CDH4: variants seen among roughly 807,000 people sequenced by gnomAD.
The protein encoded by CDH4 is cadherin-4.
A neutral mutation model predicts 86.0 loss-of-function variants in CDH4; 33 were observed. The observed-to-expected ratio is 0.38, with a 90% CI of 0.29 to 0.51. The LOEUF is 0.51. Ranked by LOEUF, CDH4 falls within the 20% of genes least tolerant of loss-of-function variation. The probability of loss-of-function intolerance (pLI) is 0.86; values close to 1 mark genes in which losing one functional copy is unlikely to be tolerated. For synonymous variants in CDH4, 555 were observed against 549.4 expected, an observed-to-expected ratio of 1.01 and a Z score of -0.14; for missense variants, 1,114 against 1,307.4, an observed-to-expected ratio of 0.85 and a Z score of 2.28.
chr20:61,773,054 G>C lies in CDH4; in HGVS notation c.448G>C (p.Asp150His). Residue 150 changes from aspartate to histidine, a missense_variant, in exon 4 of 16, where the codon GAC (aspartate) becomes CAC (histidine). Transcript: ENST00000614565. ...TCTGGACCCCTCTCCGCCTCCGAAGGACACCCTGCTGCCGTGGCCCCAGCA... is the reference window on the plus strand; with the variant it reads ...TCTGGACCCCTCTCCGCCTCCGAAGCACACCCTGCTGCCGTGGCCCCAGCA... ...VALDPSPPPK[D>H]TLLPWPQHQN... 6.2e-7 allele frequency: 1 copy of C among 1,613,722 alleles called. No individual in the cohort carries two copies. Among genetic ancestry groups the C allele is most frequent in the Non-Finnish European group, 8.5e-7 (1 of 1,179,856 alleles).
intron 4 of CDH4, among the ~76,000 whole-genome samples, chr20:61,803,608 G>A (rs1378561057): frequency 6.6e-6 from 1 of 152,218 alleles, no homozygotes; most frequent in Non-Finnish European, 1.5e-5. Flanking sequence ...CTGGTGGCCT[G>A]GAGGGTGGGG....
chr20:61,819,890 C>T (rs1980926029), intron 4 of CDH4, among the ~76,000 whole-genome samples: 1 of 152,202 alleles, frequency 6.6e-6, no homozygotes, highest in Admixed American at 6.5e-5. Flanking sequence ...AGGTACCAGA[C>T]CAGGCAAGGA....
chr20:61,588,893 A>G (rs1051797975), intron 2 of CDH4, among the ~76,000 whole-genome samples: 2 of 152,076 alleles, frequency 1.3e-5, no homozygotes, highest in Non-Finnish European at 2.9e-5. Flanking sequence ...GAGGGCTGAG[A>G]CCTCGTCCTG....
Position 61,754,420 on chromosome 20 carries a change from C to T in CDH4, c.396+10631C>T, listed in dbSNP as rs533409471. ...TCCAGGGCTGTTGAGGACAAGTCCC[C>T]GCCCACGGCAGCCCCCAGGTCCCTC... is the stretch of plus-strand genomic sequence containing the variant. On this transcript the variant is annotated intron_variant, in intron 3 of 15. Transcript: ENST00000614565. The surrounding 1 kb of genome is among the most constrained non-coding windows in gnomAD (Gnocchi z 4.7). Among the ~76,000 whole-genome samples, 4 of 152,186 alleles carry T rather than the reference C, an allele frequency of 2.6e-5. No individual in the cohort carries two copies. Among genetic ancestry groups the T allele is most frequent in the South Asian group, 2.1e-4 (1 of 4,822 alleles).
chr20:61,447,857 C>T (rs908855411), intron 2 of CDH4, among the ~76,000 whole-genome samples: 1 of 152,010 alleles, frequency 6.6e-6, no homozygotes, highest in Non-Finnish European at 1.5e-5. Context: ...CATTCCATAA[C>T]CCTCTTTTTT....
rs2055201477 is a variant in CDH4, at chr20:61,937,102, C to T, written c.*159C>T. 1.9e-6 allele frequency: 1 copy of T among 527,018 alleles called. No individual in the cohort carries two copies. The highest frequency in any genetic ancestry group is 3.1e-6 in the Non-Finnish European group (1 of 319,970). 32.6% of individuals were successfully genotyped at this position (527,018 alleles called of 1,614,324 possible). ...ACGTTGAGCTGTCTAGCATGAGCAC[C>T]CACCCCCACAGCGCCCTGCACCCGG... On this transcript the variant is annotated 3_prime_UTR_variant, in exon 16 of 16. Transcript: ENST00000614565.
intron 4 of CDH4, among the ~76,000 whole-genome samples, chr20:61,775,003 T>G (rs1318635059): frequency 6.6e-6 from 1 of 152,216 alleles, no homozygotes; most frequent in African/African-American, 2.4e-5. Context: ...CATGTGTCTT[T>G]ATAAGAGAAT....
At chr20:61,931,722 C>A (rs2055112799) in intron 13 of CDH4, among the ~76,000 whole-genome samples, 1 of 152,146 alleles carries the variant, frequency 6.6e-6, no homozygotes, top group African/African-American at 2.4e-5. Context: ...TTTCCTGCAG[C>A]AGAGGCAGCC....
At position 61,681,835 on chromosome 20, in the gene CDH4, AT is replaced by A. The variant is rs1194730421; in HGVS notation, c.170-61725del. ...GGAGGGACAGACAGAGCATCCCCACATTTGTCTTTGAGGGTGTGTGGTGTAT... is the reference window on the plus strand; with the variant it reads ...GGAGGGACAGACAGAGCATCCCCACATTGTCTTTGAGGGTGTGTGGTGTAT... On this transcript the variant is annotated intron_variant, in intron 2 of 15. Transcript: ENST00000614565. The surrounding 1 kb of genome is among the most constrained non-coding windows in gnomAD (Gnocchi z 4.5). Among the ~76,000 whole-genome samples, 2 of 152,064 alleles carry A rather than the reference AT, an allele frequency of 1.3e-5. No homozygotes were observed. Among genetic ancestry groups the A allele is most frequent in the African/African-American group, 4.8e-5 (2 of 41,396 alleles).
chr20:61,360,879 A>G (rs1763844874), intron 2 of CDH4, among the ~76,000 whole-genome samples: 2 of 152,240 alleles, frequency 1.3e-5, no homozygotes, highest in African/African-American at 4.8e-5. Flanking sequence ...CCATCCATCA[A>G]ACAAAAAGAA....
At chr20:61,478,823 G>T (rs376279354) in intron 2 of CDH4, among the ~76,000 whole-genome samples, 1 of 152,252 alleles carries the variant, frequency 6.6e-6, no homozygotes, top group African/African-American at 2.4e-5. Flanking sequence ...CCATTCGTTC[G>T]TGTGGGCACC....
intron 2 of CDH4, among the ~76,000 whole-genome samples, chr20:61,559,895 G>A (rs1280921171): frequency 6.6e-6 from 1 of 152,152 alleles, no homozygotes; most frequent in Non-Finnish European, 1.5e-5. Flanking sequence ...CCAGTGCGGT[G>A]TGCACCAGCT....
chr20:61,790,251 C>CATCCATTCATCTCTCT (rs1979102259), intron 4 of CDH4, among the ~76,000 whole-genome samples: 1 of 151,916 alleles, frequency 6.6e-6, no homozygotes, highest in East Asian at 1.9e-4. Context: ...TCTCTCCATT[C>CATCCATTCATCTCTCT]ATCCATTCAT....
At position 61,544,533 on chromosome 20, in the gene CDH4, A is replaced by G. The variant is rs1302653788; in HGVS notation, c.170-199030A>G. 1.3e-5 allele frequency among the ~76,000 whole-genome samples: 2 copies of G among 151,614 alleles called. No individual in the cohort carries two copies. The highest frequency in any genetic ancestry group is 2.9e-5 in the Non-Finnish European group (2 of 67,928). On this transcript the variant is annotated intron_variant, in intron 2 of 15. Coordinates refer to ENST00000614565, the MANE Select transcript of CDH4 (RefSeq NM_001794.5). The surrounding 1 kb of genome is among the most constrained non-coding windows in gnomAD (Gnocchi z 6.5). Reference sequence around the variant, plus strand: ...TCCAGGAATTAAAGCAGTCCATGCAATGGCAGCCGCCAAGCAGAGACGGTG... The same window carrying G: ...TCCAGGAATTAAAGCAGTCCATGCAGTGGCAGCCGCCAAGCAGAGACGGTG...
chr20:61,258,671 T>C (rs146280260), intron 2 of CDH4, among the ~76,000 whole-genome samples: 37 of 152,320 alleles, frequency 2.4e-4, no homozygotes, highest in African/African-American at 8.9e-4. Context: ...AGTGCAGACA[T>C]AGGTGGTCAC....
At chr20:61,649,494 C>T (rs547985471) in intron 2 of CDH4, among the ~76,000 whole-genome samples, 3 of 152,306 alleles carry the variant, frequency 2.0e-5, no homozygotes, top group African/African-American at 4.8e-5. Flanking sequence ...TCCAGGTCAC[C>T]GCTTATCAGT....
chr20:61,760,248 A>G (rs937437764), intron 3 of CDH4, among the ~76,000 whole-genome samples: 1 of 152,222 alleles, frequency 6.6e-6, no homozygotes, highest in Non-Finnish European at 1.5e-5. Flanking sequence ...AATTAGGAAC[A>G]ACATGAAACC....
chr20:61,864,751 G>A (rs1041307284), intron 6 of CDH4, among the ~76,000 whole-genome samples: 3 of 152,130 alleles, frequency 2.0e-5, no homozygotes, highest in Admixed American at 1.3e-4. Flanking sequence ...AGACAAACCC[G>A]ATTATCTCCA....
At position 61,563,543 on chromosome 20, in the gene CDH4, G is replaced by C. The variant is rs117363514; in HGVS notation, c.170-180020G>C. Among the ~76,000 whole-genome samples, 71 of 152,314 alleles carry C rather than the reference G, an allele frequency of 4.7e-4. No individual in the cohort carries two copies. In the East Asian group the frequency reaches 0.013, roughly 27 times the overall value. ...GTGCAGGGTGGTAGCTGCTGCTCCA[G>C]GGGCTGCCCCCTCACCAGCATTCCA... On this transcript the variant is annotated intron_variant, in intron 2 of 15. Coordinates refer to ENST00000614565, the MANE Select transcript of CDH4 (RefSeq NM_001794.5).
Sources: gnomAD v4.1 joint callset for allele counts (sites outside exome capture counted in the v4.1 genomes callset) on GRCh38, gnomAD v4.1.1 for gene constraint, Gnocchi (gnomAD v3.1) non-coding constraint, MANE v1.5 for transcripts, NCBI Gene and HGNC (gene_info 2026-07-23, HGNC 2026-07-21) for gene names.